RTEL1: variants seen among roughly 807,000 people sequenced by gnomAD.
The protein encoded by RTEL1 is regulator of telomere elongation helicase 1.
A neutral mutation model predicts 162.2 loss-of-function variants in RTEL1; 86 were observed. The ratio of observed to expected loss-of-function variants is 0.53; its 90% CI spans 0.45 to 0.63. The LOEUF is 0.63. Among genes scored for constraint, RTEL1 ranks in the 30% least tolerant of loss-of-function variants. The pLI is 0.00. For missense variants in RTEL1, 1,941 were observed against 1,750.2 expected (o/e 1.11, Z -1.95); for synonymous variants, 958 against 717.9 (o/e 1.33, Z -5.35).
In RTEL1 at chr20:63,678,331, T is replaced by C. The variant is rs757889139; in HGVS notation, c.1022T>C (p.Val341Ala). 24 of 1,612,366 alleles carry C rather than the reference T, an allele frequency of 1.5e-5. No homozygotes were observed. In the African/African-American group the frequency reaches 2.8e-4, roughly 19 times the overall value. ...AVELPGDDSGVTKPGSYIFEL... is the reference protein window; with the variant it reads ...AVELPGDDSGATKPGSYIFEL... ...GAGCTGCCTGGAGACGACAGCGGTGTCACCAAGCCAGGGAGGTGAGAGGCG... is the reference window on the plus strand; with the variant it reads ...GAGCTGCCTGGAGACGACAGCGGTGCCACCAAGCCAGGGAGGTGAGAGGCG... Residue 341 changes from valine to alanine, a missense_variant, in exon 12 of 35, where the codon GTC becomes GCC. Physicochemically the swap from Val to Ala is moderately conservative, Grantham distance 64. Transcript: ENST00000360203.
At chr20:63,660,411 C>G (rs577731275) in intron 2 of RTEL1, among the ~76,000 whole-genome samples, 2 of 152,186 alleles carry the variant, frequency 1.3e-5, no homozygotes, top group African/African-American at 2.4e-5. Context: ...CCTGGTTTAT[C>G]GAGACTGGAG....
chr20:63,669,385 G>T (rs1044440206), intron 8 of RTEL1, among the ~76,000 whole-genome samples: 47 of 152,160 alleles, frequency 3.1e-4, no homozygotes, highest in African/African-American at 1.1e-3. Context: ...TTCTTAGTAT[G>T]GATACACAAG....
rs144034326 is a variant in RTEL1, at chr20:63,693,226, C to A, written c.2935C>A (p.Arg979=). The change falls in exon 30 of 35, where the codon CGG becomes AGG. Residue 979 remains arginine, a synonymous_variant. Transcript: ENST00000360203. ...IQLTGRGCGY[R]PEHSIPRRQR... ...GCTGACAGGACGAGGCTGTGGCTAT[C>A]GGCCTGAGCACAGCATTCCCCGAAG... The A allele has an allele frequency of 1.5e-5, 24 of 1,612,110 alleles. No individual in the cohort carries two copies. The highest frequency in any genetic ancestry group is 2.2e-5 in the South Asian group (2 of 91,086).
intron 14 of RTEL1, 121 bp downstream of exon 14, chr20:63,680,840 G>A (rs955606881): frequency 6.6e-7 from 1 of 1,525,958 alleles, no homozygotes; most frequent in African/African-American, 1.4e-5. Context: ...TACACCACCT[G>A]TTTCTGATTG....
chr20:63,678,400 C>T (rs1001937529), intron 12 of RTEL1, 54 bp downstream of exon 12: 39 of 1,531,364 alleles, frequency 2.5e-5, no homozygotes, highest in African/African-American at 2.3e-4. Flanking sequence ...GAGCTAGAAA[C>T]GGGCCATGGT....
In RTEL1 at chr20:63,692,021, C is replaced by G. The variant is rs933286997; in HGVS notation, c.2652+184C>G. 3.4e-5 allele frequency: 19 copies of G among 560,804 alleles called. No individual in the cohort carries two copies. In the Middle Eastern group the frequency reaches 2.9e-3, roughly 87 times the overall value. 34.7% of individuals were successfully genotyped at this position (560,804 alleles called of 1,614,324 possible). ...AGTGTGTGGTTTCTTCTGCAGGGGG[C>G]TCATGAGTCCCAGCTGGAATCAGGC... is the stretch of plus-strand genomic sequence containing the variant. On this transcript the variant is annotated intron_variant, in intron 28 of 34. Coordinates refer to ENST00000360203, the MANE Select transcript of RTEL1 (RefSeq NM_001283009.2).
chr20:63,691,644 G>GGAAGAT, intron 27 of RTEL1, 98 bp from the exon 28 acceptor site: 1 of 1,056,874 alleles, frequency 9.5e-7, no homozygotes, highest in Non-Finnish European at 1.4e-6. Flanking sequence ...CTTGGCTCAG[G>GGAAGAT]GCTCCTTGGG....
chr20:63,690,871 C>T lies in RTEL1; in HGVS notation c.2480C>T (p.Ala827Val), dbSNP rs149590418. 33 of 1,599,534 alleles carry T rather than the reference C, an allele frequency of 2.1e-5. No individual in the cohort carries two copies. The highest frequency in any genetic ancestry group is 2.7e-5 in the Non-Finnish European group (32 of 1,174,360). ...CVEYEQEPVP[A>V]RQRPRGLLAA... ...GAGTATGAGCAGGAGCCAGTTCCTG[C>T]CCGGCAGAGGCCCAGGGGGCTGCTG... The change falls in exon 27 of 35, where the codon GCC becomes GTC. Residue 827 changes from alanine (A) to valine (V), a missense_variant. Ala to Val is a moderately conservative substitution (Grantham distance 64). Coordinates refer to ENST00000360203, the MANE Select transcript of RTEL1 (RefSeq NM_001283009.2).
rs573664563 is a variant in RTEL1, at chr20:63,691,183, C to T, written c.2556+236C>T. 2.6e-5 allele frequency among the ~76,000 whole-genome samples: 4 copies of T among 152,170 alleles called. No individual in the cohort carries two copies. In the South Asian group the frequency reaches 8.3e-4, roughly 32 times the overall value. ...TGCATGCCCTGGCCCTCCGCGGGTG[C>T]CCCCCACATCACTTTGGTTCTCTGG... is the stretch of plus-strand genomic sequence containing the variant. On this transcript the variant is annotated intron_variant, in intron 27 of 34. Transcript: ENST00000360203.
In RTEL1 at chr20:63,695,094, C is replaced by T. The variant is rs2145477414; in HGVS notation, c.3372C>T (p.His1124=). ...HRFSMFVRPH[H]KQRFSQTCTD... Reference sequence around the variant, plus strand: ...TCAGCATGTTTGTGCGTCCACACCACAAGCAGCGCTTCTCACAGACGTGCA... The same window carrying T: ...TCAGCATGTTTGTGCGTCCACACCATAAGCAGCGCTTCTCACAGACGTGCA... Residue 1124 remains histidine, a synonymous_variant, in exon 33 of 35, where the codon CAC becomes CAT. Transcript: ENST00000360203. 1.2e-6 allele frequency: 2 copies of T among 1,612,392 alleles called. No individual in the cohort carries two copies. Among genetic ancestry groups the T allele is most frequent in the Non-Finnish European group, 1.7e-6 (2 of 1,179,878 alleles).
chr20:63,688,106 T>C, intron 18 of RTEL1, 33 bp from the exon 19 acceptor site: 1 of 1,611,974 alleles, frequency 6.2e-7, no homozygotes. Context: ...CACTGAGGCC[T>C]GAGGTCCTGA....
Position 63,695,433 on chromosome 20 carries a change from C to T in RTEL1, c.3605C>T (p.Pro1202Leu), listed in dbSNP as rs971908780. ...TVGAGGEDAG[P>L]SQSSGPPHGP... ...GGGGCGGGCGGTGAGGATGCAGGTC[C>T]CAGCCAGTCCTCAGGACCTCCCCAC... The change falls in exon 34 of 35, where the codon CCC (proline) becomes CTC (leucine). Residue 1202 changes from proline to leucine, a missense_variant. Pro to Leu is a moderately conservative substitution (Grantham distance 98). Coordinates refer to ENST00000360203, the MANE Select transcript of RTEL1 (RefSeq NM_001283009.2). 1 of 1,571,180 alleles carries T rather than the reference C, an allele frequency of 6.4e-7. No homozygotes were observed. The highest frequency in any genetic ancestry group is 8.6e-7 in the Non-Finnish European group (1 of 1,157,734).
At chr20:63,665,315 C>T (rs2090104832) in intron 6 of RTEL1, 1 of 152,518 alleles carries the variant, frequency 6.6e-6, no homozygotes, top group Admixed American at 6.5e-5. Context: ...CTGGTTCTGT[C>T]TGTGTTTAAG....
chr20:63,681,128 C>G (rs558011156), intron 14 of RTEL1: 2 of 985,396 alleles, frequency 2.0e-6, no homozygotes, highest in Admixed American at 1.2e-4. Context: ...AAATGGGGAC[C>G]CTGCAGGTTC....
intron 13 of RTEL1, 26 bp downstream of exon 13, chr20:63,679,972 T>G (rs777303136): frequency 3.9e-6 from 6 of 1,555,608 alleles, no homozygotes; most frequent in Non-Finnish European, 5.3e-6. Flanking sequence ...GGGTCTTTGG[T>G]GCGGGCAAAT....
intron 12 of RTEL1, among the ~76,000 whole-genome samples, chr20:63,679,452 A>G (rs2090437193): frequency 6.7e-6 from 1 of 149,222 alleles, no homozygotes; most frequent in Non-Finnish European, 1.5e-5. Context: ...GCCCCTGACA[A>G]CCTCTTGACG....
At chr20:63,666,361 A>C (rs1402993535) in intron 7 of RTEL1, among the ~76,000 whole-genome samples, 1 of 152,262 alleles carries the variant, frequency 6.6e-6, no homozygotes, top group Non-Finnish European at 1.5e-5. Flanking sequence ...TTTTGTCTGC[A>C]CAGACTGTCC....
chr20:63,667,869 A>G (rs1158254999), intron 8 of RTEL1, among the ~76,000 whole-genome samples: 2 of 151,872 alleles, frequency 1.3e-5, no homozygotes, highest in African/African-American at 2.4e-5. Flanking sequence ...ACGTCAGGCC[A>G]TGGGAGGCAC....
chr20:63,678,916 G>A (rs1306532587), intron 12 of RTEL1, among the ~76,000 whole-genome samples: 3 of 151,682 alleles, frequency 2.0e-5, no homozygotes, highest in African/African-American at 4.9e-5. Flanking sequence ...ACACACCCAC[G>A]GAACAGCACA....
Sources: allele counts gnomAD v4.1 joint callset (sites outside exome capture counted in the v4.1 genomes callset), GRCh38; gene constraint gnomAD v4.1.1; transcripts MANE v1.5; gene names NCBI Gene and HGNC (gene_info 2026-07-23, HGNC 2026-07-21).